The following EXOG variants were observed in gnomAD, a reference collection of about 807,000 sequenced individuals.
EXOG encodes nuclease EXOG, mitochondrial.
In EXOG, 27 loss-of-function variants were observed where a neutral mutation model predicts 25.8. The observed-to-expected ratio is 1.05, with a 90% CI of 0.77 to 1.45. The LOEUF is 1.45. Among genes scored for constraint, EXOG ranks in the 40% most tolerant of loss-of-function variants. EXOG has a pLI of 0.00. For missense variants in EXOG, 458 were observed against 450.5 expected, an observed-to-expected ratio of 1.02 and a Z score of -0.15; for synonymous variants, 133 against 167.0, an observed-to-expected ratio of 0.80 and a Z score of 1.57.
intron 5 of EXOG, among the ~76,000 whole-genome samples, chr3:38,514,262 C>A (rs1575653444): frequency 6.6e-6 from 1 of 152,216 alleles, no homozygotes; most frequent in Middle Eastern, 3.4e-3. Flanking sequence ...AAGTGTGGAA[C>A]CTGGAAGGCC....
At chr3:38,522,095 G>A (rs1039543888) in intron 5 of EXOG, among the ~76,000 whole-genome samples, 1 of 152,152 alleles carries the variant, frequency 6.6e-6, no homozygotes, top group Non-Finnish European at 1.5e-5. Flanking sequence ...ACCACACCCC[G>A]ACCAACCACT....
chr3:38,510,254 C>G (rs1204351159), intron 5 of EXOG, among the ~76,000 whole-genome samples: 3 of 152,014 alleles, frequency 2.0e-5, no homozygotes, highest in Non-Finnish European at 4.4e-5. Flanking sequence ...ACTATCTGTT[C>G]CAGATTAATA....
intron 5 of EXOG, among the ~76,000 whole-genome samples, chr3:38,510,035 G>C (rs2060319068): frequency 6.6e-6 from 1 of 152,114 alleles, no homozygotes; most frequent in Non-Finnish European, 1.5e-5. Context: ...CACAAAGTAA[G>C]AAATAACTTT....
chr3:38,524,910 G>A lies in EXOG; in HGVS notation c.*548G>A. 2.0e-6 allele frequency: 2 copies of A among 985,602 alleles called. No homozygotes were observed. Among genetic ancestry groups the A allele is most frequent in the Non-Finnish European group, 2.4e-6 (2 of 830,112 alleles). The allele number at this position is 985,602 out of a possible 1,614,324, so 61.1% of individuals were successfully genotyped here. Reference sequence around the variant, plus strand: ...GCATTGTCTGTGATGTATCTGCCCAGCCTTCTCAGAACTCAATGTTGTACA... The same window carrying A: ...GCATTGTCTGTGATGTATCTGCCCAACCTTCTCAGAACTCAATGTTGTACA... On this transcript the variant is annotated 3_prime_UTR_variant, in exon 6 of 6. Coordinates refer to ENST00000287675, the MANE Select transcript of EXOG (RefSeq NM_005107.4).
intron 2 of EXOG, chr3:38,498,737 C>G: frequency 6.5e-6 from 2 of 306,680 alleles, no homozygotes; most frequent in Non-Finnish European, 1.3e-5. Context: ...TCGGAGGCCC[C>G]CAATGTGGAC....
Position 38,524,641 on chromosome 3 carries a change from G to C in EXOG, c.*279G>C. ...CAGCTACTAGTGGCTTTGCTTTAAA[G>C]AAACAGTGGAATCCTAAATTTATGA... On this transcript the variant is annotated 3_prime_UTR_variant, in exon 6 of 6. Transcript: ENST00000287675. The C allele has an allele frequency of 9.1e-7, 1 of 1,094,052 alleles. No individual in the cohort carries two copies. The highest frequency in any genetic ancestry group is 1.6e-5 in the African/African-American group (1 of 61,162). 67.8% of individuals were successfully genotyped at this position (1,094,052 alleles called of 1,614,324 possible).
intron 5 of EXOG, 37 bp from the exon 6 acceptor site, chr3:38,523,864 C>A (rs758689071): frequency 4.1e-6 from 6 of 1,479,468 alleles, no homozygotes; most frequent in Non-Finnish European, 4.5e-6. Context: ...ACTGTTAGCA[C>A]AAATTGGCAT....
At chr3:38,498,064 T>C (rs1055622211) in intron 2 of EXOG, 5 of 317,984 alleles carry the variant, frequency 1.6e-5, no homozygotes, top group African/African-American at 1.1e-4. Context: ...CCTTAACAAA[T>C]ATTTATGTGC....
intron 5 of EXOG, among the ~76,000 whole-genome samples, chr3:38,516,841 C>T (rs1216434670): frequency 6.6e-6 from 1 of 152,138 alleles, no homozygotes; most frequent in African/African-American, 2.4e-5. Flanking sequence ...AGTTGTTTTA[C>T]AGTATGTCCC....
chr3:38,507,705 G>A (rs2060244218), intron 5 of EXOG, among the ~76,000 whole-genome samples: 1 of 152,178 alleles, frequency 6.6e-6, no homozygotes, highest in African/African-American at 2.4e-5. Flanking sequence ...AGCATTTGAA[G>A]AAGAGATTAG....
At chr3:38,498,989 G>A (rs976549938) in intron 2 of EXOG, 17 of 456,502 alleles carry the variant, frequency 3.7e-5, no homozygotes, top group Non-Finnish European at 4.8e-5. Context: ...CTTCACCTAT[G>A]GTGAGCATTA....
At chr3:38,504,606 T>A (rs2060146523) in intron 4 of EXOG, among the ~76,000 whole-genome samples, 2 of 152,026 alleles carry the variant, frequency 1.3e-5, no homozygotes, top group South Asian at 4.1e-4. Context: ...CGGCTAATTT[T>A]TGTATTTTTA....
At chr3:38,519,773 G>A (rs761673111) in intron 5 of EXOG, among the ~76,000 whole-genome samples, 2 of 152,212 alleles carry the variant, frequency 1.3e-5, no homozygotes, top group African/African-American at 4.8e-5. Flanking sequence ...GAGAAGTACC[G>A]TCTTCCAGGG....
At chr3:38,497,075 CAAAAAAA>C in intron 1 of EXOG, 4 of 903,070 alleles carry the variant, frequency 4.4e-6, no homozygotes, top group Non-Finnish European at 5.3e-6. Context: ...TTATATTTGA[CAAAAAAA>C]AAAAAAAAAT....
intron 5 of EXOG, among the ~76,000 whole-genome samples, chr3:38,522,959 A>T (rs1363988097): frequency 6.6e-6 from 1 of 152,236 alleles, no homozygotes; most frequent in Non-Finnish European, 1.5e-5. Context: ...TGATATGACA[A>T]CATATTTAGA....
At chr3:38,514,778 C>CCCCT (rs552262186) in intron 5 of EXOG, among the ~76,000 whole-genome samples, 7 of 113,626 alleles carry the variant, frequency 6.2e-5, no homozygotes, top group African/African-American at 1.1e-4. Context: ...CCTCCCCCTG[C>CCCCT]TTTTTTTTTT....
At chr3:38,514,778 C>CTG in intron 5 of EXOG, among the ~76,000 whole-genome samples, 1 of 113,640 alleles carries the variant, frequency 8.8e-6, no homozygotes, top group Middle Eastern at 4.6e-3. Flanking sequence ...CCTCCCCCTG[C>CTG]TTTTTTTTTT....
rs200431618 is a variant in EXOG, at chr3:38,497,743, G to A, written c.278G>A (p.Trp93Ter). The change falls in exon 2 of 6, where the codon TGG becomes TAG. Residue 93 changes from tryptophan (W) to a stop codon, truncating the protein, a stop_gained. Transcript: ENST00000287675. LOFTEE classifies it high-confidence loss of function. ...GATCAGGCAAAGCGGGTGCCTAGAT[G>A]GGTTCTTGAACATATTTCCAAAAGC... The part of the protein sequence containing the change: ...SYDQAKRVPR[W>*]VLEHISKSKI... 5.6e-5 allele frequency: 90 copies of A among 1,604,708 alleles called. No individual in the cohort carries two copies. In the East Asian group the frequency reaches 2.0e-3, roughly 36 times the overall value.
At position 38,505,806 on chromosome 3, in the gene EXOG, T is replaced by TA. The variant is rs1466410876; in HGVS notation, c.531-1038dup. On this transcript the variant is annotated intron_variant, in intron 4 of 5. Transcript: ENST00000287675. ...TGTCTATTTTAGTAGACACTAAAAA[T>TA]AAAAAAAAAATTAGCCGAGTGTGGT... 4.5e-3 allele frequency among the ~76,000 whole-genome samples: 662 copies of TA among 148,296 alleles called. 8 individuals carry two copies. The highest frequency in any genetic ancestry group is 0.015 in the African/African-American group (612 of 40,382).
Sources: gnomAD v4.1 joint callset for allele counts (sites outside exome capture counted in the v4.1 genomes callset) on GRCh38, gnomAD v4.1.1 for gene constraint, MANE v1.5 for transcripts, NCBI Gene and HGNC (gene_info 2026-07-23, HGNC 2026-07-21) for gene names.